The following ANKRD13C variants were observed in gnomAD, a reference collection of about 807,000 sequenced individuals.
ANKRD13C encodes the protein ankyrin repeat domain 13C.
ANKRD13C carries 16 observed loss-of-function variants against 65.5 expected under a neutral mutation model. That is an observed-to-expected ratio of 0.24 (90% CI 0.17 to 0.37). ANKRD13C has a LOEUF of 0.37. ANKRD13C is among the 10% of genes least tolerant of loss of function. The probability of loss-of-function intolerance (pLI) is 1.00; values close to 1 mark genes in which losing one functional copy is unlikely to be tolerated. For missense variants in ANKRD13C, 503 were observed against 655.9 expected (o/e 0.77, Z 2.55); for synonymous variants, 235 against 238.7 (o/e 0.98, Z 0.14).
chr1:70,288,241 C>A (rs1010148518), intron 9 of ANKRD13C, among the ~76,000 whole-genome samples: 1 of 152,040 alleles, frequency 6.6e-6, no homozygotes, highest in African/African-American at 2.4e-5. Context: ...AAAATAATGA[C>A]AATACCAAAA....
At chr1:70,334,275 AG>A (rs780699552) in intron 2 of ANKRD13C, among the ~76,000 whole-genome samples, 2 of 152,034 alleles carry the variant, frequency 1.3e-5, no homozygotes, top group Non-Finnish European at 2.9e-5. Flanking sequence ...GCAGTGAGCT[AG>A]GATCGCACCA....
At position 70,354,139 on chromosome 1, in the gene ANKRD13C, C is replaced by G; in HGVS notation, c.270G>C (p.Gln90His). 5 of 1,613,988 alleles carry G rather than the reference C, an allele frequency of 3.1e-6. No individual in the cohort carries two copies. The highest frequency in any genetic ancestry group is 4.2e-6 in the Non-Finnish European group (5 of 1,179,936). Residue 90 changes from glutamine to histidine, a missense_variant, in exon 1 of 13, where the codon CAG becomes CAC. Around this residue, in one of 2 missense-constraint regions of ANKRD13C, gnomAD observed 203 missense variants for 177.6 expected, o/e 1.14. Coordinates refer to ENST00000370944, the MANE Select transcript of ANKRD13C (RefSeq NM_030816.5). ...LHNSSVTANSQSPALLAGTNP... is the reference protein window; with the variant it reads ...LHNSSVTANSHSPALLAGTNP... The stretch of plus-strand genomic sequence containing the variant: ...TGGTGCCGGCCAGAAGGGCCGGGGA[C>G]TGGGAGTTGGCAGTCACGGAGGAAT...
chr1:70,347,985 T>TA (rs1292951975), intron 1 of ANKRD13C, among the ~76,000 whole-genome samples: 1 of 152,072 alleles, frequency 6.6e-6, no homozygotes, highest in Non-Finnish European at 1.5e-5. Context: ...CAAACAAACA[T>TA]AAAACTACTA....
intron 2 of ANKRD13C, among the ~76,000 whole-genome samples, chr1:70,331,187 G>C (rs1002975767): frequency 6.6e-6 from 1 of 152,142 alleles, no homozygotes; most frequent in Non-Finnish European, 1.5e-5. Flanking sequence ...AATCACTAAA[G>C]GTACAGTGTA....
At chr1:70,329,462 G>A (rs1358764614) in intron 2 of ANKRD13C, among the ~76,000 whole-genome samples, 1 of 151,294 alleles carries the variant, frequency 6.6e-6, no homozygotes, top group African/African-American at 2.4e-5. Context: ...TGGAGGTTGT[G>A]ATGAGCCAAG....
intron 1 of ANKRD13C, among the ~76,000 whole-genome samples, chr1:70,341,029 G>T (rs1346653558): frequency 6.6e-6 from 1 of 152,162 alleles, no homozygotes; most frequent in Non-Finnish European, 1.5e-5. Context: ...AGAATCACTT[G>T]AACCCAGGAG....
chr1:70,280,764 T>C (rs940000950), intron 9 of ANKRD13C, among the ~76,000 whole-genome samples: 2 of 152,196 alleles, frequency 1.3e-5, no homozygotes, highest in Non-Finnish European at 2.9e-5. Context: ...GCATAGCAAG[T>C]ACTGTATACA....
chr1:70,286,348 TA>T (rs1333661628), intron 9 of ANKRD13C, among the ~76,000 whole-genome samples: 1 of 152,220 alleles, frequency 6.6e-6, no homozygotes, highest in East Asian at 1.9e-4. Flanking sequence ...TTCTTCATTC[TA>T]AAAAAATTTA....
At chr1:70,308,633 G>A (rs1225736481) in intron 5 of ANKRD13C, among the ~76,000 whole-genome samples, 2 of 151,558 alleles carry the variant, frequency 1.3e-5, no homozygotes, top group Non-Finnish European at 2.9e-5. Flanking sequence ...CAGCTACTCA[G>A]GAGGCTGAGG....
At chr1:70,309,687 G>GC (rs1318172637) in intron 5 of ANKRD13C, among the ~76,000 whole-genome samples, 1 of 145,926 alleles carries the variant, frequency 6.9e-6, no homozygotes, top group Non-Finnish European at 1.5e-5. Context: ...GATCGCGCTA[G>GC]CCTGGGCGAC....
At position 70,300,778 on chromosome 1, in the gene ANKRD13C, G is replaced by T; in HGVS notation, c.907C>A (p.Arg303=). 6.2e-7 allele frequency: 1 copy of T among 1,607,630 alleles called. No individual in the cohort carries two copies. Among genetic ancestry groups the T allele is most frequent in the Middle Eastern group, 1.7e-4 (1 of 6,058 alleles). ...AACATGCTCACCTCATGATGTATTC[G>T]CTGATAAACTTTTTGTTCATTGTCT... ...VLDNEQKVYQ[R]IHHEESEMET... is the part of the protein sequence containing the mutation. The change falls in exon 7 of 13, where the codon CGA becomes AGA. Residue 303 remains arginine (R), a synonymous_variant. Transcript: ENST00000370944.
chr1:70,319,607 CA>C (rs1180827448), intron 3 of ANKRD13C, among the ~76,000 whole-genome samples: 53 of 121,032 alleles, frequency 4.4e-4, no homozygotes, highest in Non-Finnish European at 3.0e-4. Context: ...AACTCCATCT[CA>C]AAAAAAAAAA....
intron 3 of ANKRD13C, 109 bp from the exon 4 acceptor site, chr1:70,315,675 G>C: frequency 1.3e-6 from 1 of 754,188 alleles, no homozygotes; most frequent in Non-Finnish European, 2.1e-6. Flanking sequence ...ATATATGCAC[G>C]TGCATGTATG....
At chr1:70,310,164 G>A (rs767354747) in intron 5 of ANKRD13C, among the ~76,000 whole-genome samples, 10 of 152,048 alleles carry the variant, frequency 6.6e-5, no homozygotes, top group African/African-American at 1.4e-4. Flanking sequence ...TATTTTCTTC[G>A]AAGTCTGAAT....
chr1:70,262,943 T>TAAAAAAAAAAAAAAAAA lies in ANKRD13C; in HGVS notation c.1496-113_1496-97dup, dbSNP rs34241203. ...GGAGATGTCCATACTCCTTAAAATG[T>TAAAAAAAAAAAAAAAAA]AAAAAAAAAAAAAAAAATACTCAAG... On this transcript the variant is annotated intron_variant, in intron 12 of 12. Coordinates refer to ENST00000370944, the MANE Select transcript of ANKRD13C (RefSeq NM_030816.5). 4.0e-4 allele frequency: 182 copies of TAAAAAAAAAAAAAAAAA among 460,402 alleles called. 2 individuals carry two copies. The highest frequency in any genetic ancestry group is 3.5e-3 in the African/African-American group (142 of 40,620). The allele number at this position is 460,402 out of a possible 1,614,324, so 28.5% of individuals were successfully genotyped here.
At chr1:70,309,603 G>A (rs1271405272) in intron 5 of ANKRD13C, among the ~76,000 whole-genome samples, 3 of 149,716 alleles carry the variant, frequency 2.0e-5, no homozygotes, top group African/African-American at 7.3e-5. Flanking sequence ...GCGGGCGCCT[G>A]TAGTCCCAGC....
At chr1:70,327,730 A>C (rs1051076192) in intron 2 of ANKRD13C, among the ~76,000 whole-genome samples, 3 of 152,216 alleles carry the variant, frequency 2.0e-5, no homozygotes, top group Admixed American at 6.6e-5. Flanking sequence ...GTAAAATGTC[A>C]TGATATCTAC....
rs1366452085 is a variant in ANKRD13C at position 70,335,753 on chromosome 1, A to C, written c.472+305T>G. On this transcript the variant is annotated intron_variant, in intron 2 of 12. Coordinates refer to ENST00000370944, the MANE Select transcript of ANKRD13C (RefSeq NM_030816.5). ...CTCTAATATGAAAAGTATAATAATA[A>C]ATCTTAATATTTGGAAATAAGTCTT... 4.0e-5 allele frequency among the ~76,000 whole-genome samples: 6 copies of C among 150,440 alleles called. No individual in the cohort carries two copies. In the East Asian group the frequency reaches 9.6e-4, roughly 24 times the overall value.
At chr1:70,300,638 TA>T in intron 7 of ANKRD13C, 125 bp downstream of exon 7, 1 of 841,882 alleles carries the variant, frequency 1.2e-6, no homozygotes, top group East Asian at 3.2e-5. Context: ...CAGGAAACTA[TA>T]GCTTTAGGAA....
Sources: gnomAD v4.1 joint callset for allele counts (sites outside exome capture counted in the v4.1 genomes callset) on GRCh38, gnomAD v4.1.1 for gene constraint, gnomAD v4.1.1 regional missense constraint, MANE v1.5 for transcripts, NCBI Gene and HGNC (gene_info 2026-07-23, HGNC 2026-07-21) for gene names.